Variants in STX10 observed in about 807,000 individuals in gnomAD.
STX10 encodes syntaxin 10.
In STX10, 35 loss-of-function variants were observed where a neutral mutation model predicts 34.1. That is an observed-to-expected ratio of 1.03 (90% CI 0.78 to 1.36). The LOEUF is 1.36. Ranked by LOEUF, STX10 falls within the 40% of genes most tolerant of loss-of-function variation. The pLI is 0.00. For missense variants in STX10, 361 were observed against 335.5 expected (o/e 1.08, Z -0.59); for synonymous variants, 155 against 132.9 (o/e 1.17, Z -1.15).
intron 4 of STX10, among the ~76,000 whole-genome samples, chr19:13,147,114 G>A (rs1192533464): frequency 5.1e-5 from 4 of 77,862 alleles, no homozygotes; most frequent in East Asian, 8.1e-4. Flanking sequence ...ACACACACAC[G>A]GCAGGCACAT....
At chr19:13,148,643 G>A (rs1293727798) in intron 4 of STX10, among the ~76,000 whole-genome samples, 2 of 152,032 alleles carry the variant, frequency 1.3e-5, no homozygotes, top group South Asian at 2.1e-4. Context: ...TCAAGCCACT[G>A]CACTCCAGCC....
chr19:13,145,376 G>T lies in STX10; in HGVS notation c.383C>A (p.Ala128Asp), dbSNP rs1221714586. 6.2e-7 allele frequency: 1 copy of T among 1,611,292 alleles called. No homozygotes were observed. The highest frequency in any genetic ancestry group is 1.3e-5 in the African/African-American group (1 of 75,048). The change falls in exon 5 of 8, where the codon GCT (alanine) becomes GAT (aspartate). Residue 128 changes from alanine (A) to aspartate (D), a missense_variant. By Grantham distance (126) the Ala-to-Asp change is moderately radical. Coordinates refer to ENST00000587230, the MANE Select transcript of STX10 (RefSeq NM_003765.3). ...NNREILAGKP[A>D]AQKSPSDLLD... The stretch of plus-strand genomic sequence containing the variant: ...CAGGTCGCTGGGTGACTTCTGGGCA[G>T]CTGGCTTGCCTGCGAGTATCTGCAG...
At position 13,150,133 on chromosome 19, in the gene STX10, A is replaced by T. The variant is rs955346147; in HGVS notation, c.35+6T>A. 6.9e-6 allele frequency: 8 copies of T among 1,163,896 alleles called. No individual in the cohort carries two copies. The highest frequency in any genetic ancestry group is 1.0e-5 in the Non-Finnish European group (8 of 784,504). The allele number at this position is 1,163,896 out of a possible 1,614,324, so 72.1% of individuals were successfully genotyped here. On this transcript the variant is annotated splice_donor_region_variant and intron_variant, in intron 1 of 7. Coordinates refer to ENST00000587230, the MANE Select transcript of STX10 (RefSeq NM_003765.3). The surrounding 1 kb of genome is among the most constrained non-coding windows in gnomAD (Gnocchi z 4.0). The stretch of plus-strand genomic sequence containing the variant: ...CCCTCCGCCCTCCCCCGTCGTTGTC[A>T]CTCACCCTCGGACTACAAAAAAGGG...
chr19:13,144,477 T>C lies in STX10; in HGVS notation c.683A>G (p.Gln228Arg), dbSNP rs536194090. The C allele has an allele frequency of 6.2e-7, 1 of 1,613,542 alleles. No individual in the cohort carries two copies. The highest frequency in any genetic ancestry group is 2.2e-5 in the East Asian group (1 of 44,870). ...CACTAGCACGGCGATGGCACACCAC[T>C]GTCGGCGGTCTGGGAACGAGAAGGT... ...KVSHMTSDRRQWCAIAVLVGV... is the reference protein window; with the variant it reads ...KVSHMTSDRRRWCAIAVLVGV... Residue 228 changes from glutamine to arginine, a missense_variant, in exon 8 of 8, where the codon CAG (glutamine) becomes CGG (arginine). Coordinates refer to ENST00000587230, the MANE Select transcript of STX10 (RefSeq NM_003765.3).
Position 13,150,199 on chromosome 19 carries a change from A to ACC in STX10, c.-28_-27dup. 1.1e-6 allele frequency: 1 copy of ACC among 917,120 alleles called. No homozygotes were observed. Among genetic ancestry groups the ACC allele is most frequent in the Non-Finnish European group, 1.8e-6 (1 of 569,532 alleles). The allele number at this position is 917,120 out of a possible 1,614,324, so 56.8% of individuals were successfully genotyped here. A position where few individuals can be genotyped will look rare whatever the true frequency, so the allele number is the denominator to read the frequency against. On this transcript the variant is annotated 5_prime_UTR_variant, in exon 1 of 8. Transcript: ENST00000587230. The surrounding 1 kb of genome is among the most constrained non-coding windows in gnomAD (Gnocchi z 4.0). Reference sequence around the variant, plus strand: ...GTCAGTCCCTTCCCCCCCAGGCCGAACCCCCCTCCCGGCCTGGGTTCGCGG... The same window carrying ACC: ...GTCAGTCCCTTCCCCCCCAGGCCGAACCCCCCCCTCCCGGCCTGGGTTCGCGG...
rs189486076 is a variant in STX10 at position 13,144,494 on chromosome 19, C to T, written c.674-8G>A. ...CACACCACTGTCGGCGGTCTGGGAA[C>T]GAGAAGGTCAGGGGTCACGGGGAGA... On this transcript the variant is annotated splice_polypyrimidine_tract_variant and splice_region_variant and intron_variant, in intron 7 of 7. Coordinates refer to ENST00000587230, the MANE Select transcript of STX10 (RefSeq NM_003765.3). 43 of 1,613,640 alleles carry T rather than the reference C, an allele frequency of 2.7e-5. No individual in the cohort carries two copies. The East Asian group carries it at 2.7e-4, about 10-fold the overall frequency.
chr19:13,145,221 G>C (rs930595836), intron 5 of STX10, 67 bp downstream of exon 5: 2 of 1,431,916 alleles, frequency 1.4e-6, no homozygotes, highest in African/African-American at 2.8e-5. Flanking sequence ...AACAAAAAGG[G>C]ACCCCAGACC....
chr19:13,144,801 A>G lies in STX10; in HGVS notation c.541T>C (p.Ser181Pro), dbSNP rs749571700. The change falls in exon 6 of 8, where the codon TCC becomes CCC. Residue 181 changes from serine (S) to proline (P), a missense_variant. By Grantham distance (74) the Ser-to-Pro change is moderately conservative (BLOSUM62 -1). Transcript: ENST00000587230. The part of the protein sequence containing the change: ...SGSIQVLKHM[S>P]GRVGEELDEQ... ...TCCAGCTCTTCTCCAACGCGGCCGGACATGTGCTTCAGAACCTGGATGCTC... is the reference window on the plus strand; with the variant it reads ...TCCAGCTCTTCTCCAACGCGGCCGGGCATGTGCTTCAGAACCTGGATGCTC... 1.9e-6 allele frequency: 3 copies of G among 1,614,002 alleles called. No individual in the cohort carries two copies. In the Admixed American group the frequency reaches 5.0e-5, roughly 27 times the overall value.
chr19:13,146,089 T>A (rs2019893045), intron 4 of STX10, among the ~76,000 whole-genome samples: 1 of 149,558 alleles, frequency 6.7e-6, no homozygotes. Context: ...CCCAGCTACT[T>A]GTGAGGCTAA....
chr19:13,144,365 T>C lies in STX10; in HGVS notation c.*45A>G. On this transcript the variant is annotated 3_prime_UTR_variant, in exon 8 of 8. Coordinates refer to ENST00000587230, the MANE Select transcript of STX10 (RefSeq NM_003765.3). ...GCGAGGCCAGCTCCAAAGTGCTTGG[T>C]GGCTCCCCAGGCTTAAGGGACCAGC... is the stretch of plus-strand genomic sequence containing the variant. 6.3e-7 allele frequency: 1 copy of C among 1,585,916 alleles called. No individual in the cohort carries two copies. Among genetic ancestry groups the C allele is most frequent in the Non-Finnish European group, 8.6e-7 (1 of 1,167,754 alleles).
chr19:13,145,388 G>A lies in STX10; in HGVS notation c.371C>T (p.Ala124Val), dbSNP rs1460767348. ...FLERNNREILAGKPAAQKSPS... is the reference protein window; with the variant it reads ...FLERNNREILVGKPAAQKSPS... ...TGACTTCTGGGCAGCTGGCTTGCCT[G>A]CGAGTATCTGCAGGGGCACACAACA... is the stretch of plus-strand genomic sequence containing the variant. The change falls in exon 5 of 8, where the codon GCA (alanine) becomes GTA (valine). Residue 124 changes from alanine (A) to valine (V), a missense_variant. By Grantham distance (64) the Ala-to-Val change is moderately conservative. Transcript: ENST00000587230. 6.2e-6 allele frequency: 10 copies of A among 1,610,280 alleles called. No individual in the cohort carries two copies. The highest frequency in any genetic ancestry group is 8.5e-6 in the Non-Finnish European group (10 of 1,179,884).
chr19:13,148,947 G>A, intron 4 of STX10, 82 bp downstream of exon 4: 3 of 1,198,718 alleles, frequency 2.5e-6, no homozygotes, highest in Admixed American at 4.0e-5. Context: ...TGTCGCAAAA[G>A]GGACAGGTGA....
intron 3 of STX10, 44 bp downstream of exon 3, chr19:13,149,455 A>G (rs569838225): frequency 6.8e-7 from 1 of 1,469,154 alleles, no homozygotes; most frequent in African/African-American, 1.5e-5. Flanking sequence ...AAAAAAACAC[A>G]CTCAAACCTT....
chr19:13,145,248 G>A, intron 5 of STX10, 40 bp downstream of exon 5: 1 of 1,574,886 alleles, frequency 6.3e-7, no homozygotes, highest in East Asian at 2.2e-5. Flanking sequence ...CAGTCTGCAA[G>A]GCTCTCCCCT....
At chr19:13,144,907 G>C in intron 5 of STX10, 37 bp from the exon 6 acceptor site, 1 of 1,570,944 alleles carries the variant, frequency 6.4e-7, no homozygotes, top group East Asian at 2.3e-5. Flanking sequence ...TGTTGAAAAC[G>C]ACCCCAGAAG....
Position 13,144,768 on chromosome 19 carries a change from C to T in STX10, c.574G>A (p.Gly192Ser), listed in dbSNP as rs2019857765. The T allele has an allele frequency of 1.9e-6, 3 of 1,613,748 alleles. No individual in the cohort carries two copies. Among genetic ancestry groups the T allele is most frequent in the Admixed American group, 1.7e-5 (1 of 60,002 alleles). ...GRVGEELDEQ[G>S]IMLDAFAQEM... ...CCCCCAGGGTCCTGGCCTCACATGC[C>T]CTGCTCGTCCAGCTCTTCTCCAACG... is the stretch of plus-strand genomic sequence containing the variant. The change falls in exon 6 of 8, where the codon GGC (glycine) becomes AGC (serine). Residue 192 changes from glycine to serine, a missense_variant. Physicochemically the swap from Gly to Ser is moderately conservative, Grantham distance 56 (BLOSUM62 0). Transcript: ENST00000587230.
Position 13,149,750 on chromosome 19 carries a change from G to T in STX10, c.183C>A (p.Leu61=). ...TATCGATGGTCTCTTCCAGGTCCTC[G>T]AGGTCCCACTCGATGCTGCGCAGGC... ...RNGLRSIEWD[L]EDLEETIGIV... is the part of the protein sequence containing the mutation. Residue 61 remains leucine, a synonymous_variant, in exon 2 of 8, where the codon CTC becomes CTA. Coordinates refer to ENST00000587230, the MANE Select transcript of STX10 (RefSeq NM_003765.3). The T allele has an allele frequency of 1.2e-6, 2 of 1,613,978 alleles. No homozygotes were observed. Among genetic ancestry groups the T allele is most frequent in the Non-Finnish European group, 1.7e-6 (2 of 1,179,866 alleles).
intron 4 of STX10, among the ~76,000 whole-genome samples, chr19:13,148,251 T>G (rs1391175435): frequency 6.6e-6 from 1 of 151,510 alleles, no homozygotes; most frequent in Non-Finnish European, 1.5e-5. Flanking sequence ...TGCCTGTAAT[T>G]CCAGCACTTT....
chr19:13,150,131 T>A lies in STX10; in HGVS notation c.35+8A>T, dbSNP rs780766820. ...CACCCTCCGCCCTCCCCCGTCGTTGTCACTCACCCTCGGACTACAAAAAAG... is the reference window on the plus strand; with the variant it reads ...CACCCTCCGCCCTCCCCCGTCGTTGACACTCACCCTCGGACTACAAAAAAG... On this transcript the variant is annotated splice_region_variant and intron_variant, in intron 1 of 7. Transcript: ENST00000587230. The surrounding 1 kb of genome is among the most constrained non-coding windows in gnomAD (Gnocchi z 4.0). 1.7e-6 allele frequency: 2 copies of A among 1,171,690 alleles called. No individual in the cohort carries two copies. Among genetic ancestry groups the A allele is most frequent in the South Asian group, 2.6e-5 (2 of 78,144 alleles). 72.6% of individuals were successfully genotyped at this position (1,171,690 alleles called of 1,614,324 possible).
Sources: allele counts gnomAD v4.1 joint callset (sites outside exome capture counted in the v4.1 genomes callset), GRCh38; gene constraint gnomAD v4.1.1; non-coding constraint Gnocchi (gnomAD v3.1); transcripts MANE v1.5; gene names NCBI Gene and HGNC (gene_info 2026-07-23, HGNC 2026-07-21).